KLF17: variants seen among roughly 807,000 people sequenced by gnomAD.
The protein encoded by KLF17 is KLF transcription factor 17.
KLF17 carries 31 observed loss-of-function variants against 34.2 expected under a neutral mutation model. The observed-to-expected ratio is 0.91, with a 90% CI of 0.68 to 1.22. The LOEUF (loss-of-function observed/expected upper bound fraction) is 1.22, where lower values mean the gene tolerates loss of function less well. Among genes scored for constraint, KLF17 ranks in the 50% most tolerant of loss-of-function variants. KLF17 has a pLI of 0.00. For missense variants in KLF17, 478 were observed against 505.2 expected (o/e 0.95, Z 0.52); for synonymous variants, 179 against 186.7 (o/e 0.96, Z 0.34).
intron 1 of KLF17, among the ~76,000 whole-genome samples, chr1:44,119,609 T>C (rs1240352419): frequency 6.6e-6 from 1 of 152,150 alleles, no homozygotes; most frequent in Non-Finnish European, 1.5e-5. Flanking sequence ...CCAGAGGTGT[T>C]TGACCCGATT....
chr1:44,099,848 A>C, the KLF17 span, among the ~76,000 whole-genome samples: 6 of 52,370 alleles, frequency 1.1e-4, no homozygotes, highest in African/African-American at 4.7e-4. Context: ...AAAGAAAGAA[A>C]GAAAGAAAGA....
upstream of KLF17, chr1:44,118,800 T>G (rs2087910028): frequency 3.7e-6 from 3 of 820,282 alleles, no homozygotes; most frequent in Non-Finnish European, 3.7e-6. Context: ...TGTAAATAGG[T>G]AAATAGAAGG....
At chr1:44,058,434 G>A in the KLF17 span, among the ~76,000 whole-genome samples, 1 of 152,044 alleles carries the variant, frequency 6.6e-6, no homozygotes, top group East Asian at 1.9e-4. Flanking sequence ...GGGACTACAG[G>A]CAGGCATCAC....
the KLF17 span, among the ~76,000 whole-genome samples, chr1:44,069,469 CGAGAGAGAGAGAGAGAGAGAGA>C: frequency 2.4e-5 from 3 of 127,084 alleles, no homozygotes; most frequent in South Asian, 2.9e-4. This position sits in a 1 kb window ranked among gnomAD's most constrained non-coding sequence, Gnocchi z 4.7. Flanking sequence ...TGTTACATGG[CGAGAGAGAGAGAGAGAGAGAGA>C]GAGAGAGAGA....
the KLF17 span, among the ~76,000 whole-genome samples, chr1:44,070,309 G>T: frequency 6.6e-6 from 1 of 152,010 alleles, no homozygotes; most frequent in Non-Finnish European, 1.5e-5. Flanking sequence ...AACATACATT[G>T]AACCCATTAA....
the KLF17 span, among the ~76,000 whole-genome samples, chr1:44,075,504 A>G: frequency 6.6e-6 from 1 of 152,240 alleles, no homozygotes; most frequent in African/African-American, 2.4e-5. Context: ...GACCAGGGTC[A>G]AATACAAATA....
Position 44,118,960 on chromosome 1 carries a change from G to C in KLF17, c.53G>C (p.Arg18Pro). 1 of 1,610,884 alleles carries C rather than the reference G, an allele frequency of 6.2e-7. No homozygotes were observed. The highest frequency in any genetic ancestry group is 8.5e-7 in the Non-Finnish European group (1 of 1,178,830). Residue 18 changes from arginine (R) to proline (P), a missense_variant, in exon 1 of 4, where the codon CGG becomes CCG. By Grantham distance (103) the Arg-to-Pro change is moderately radical. Transcript: ENST00000372299. ...EMEQEAGELS[R>P]WQAAHQAAQD... ...GAACAGGAGGCTGGGGAGCTGAGCC[G>C]GTGGCAGGCGGCGCACCAGGCTGCC...
At position 44,130,702 on chromosome 1, in the gene KLF17, A is replaced by G. The variant is rs767644529; in HGVS notation, c.1116A>G (p.Pro372=). ...QKTHRPGPSD[P]QANNNNGEQD... is the part of the protein sequence containing the mutation. ...CTCATCGGCCGGGACCCTCAGACCC[A>G]CAGGCCAACAACAACAATGGAGAGC... Residue 372 remains proline, a synonymous_variant, in exon 3 of 4, where the codon CCA becomes CCG. Transcript: ENST00000372299. 1 of 1,608,036 alleles carries G rather than the reference A, an allele frequency of 6.2e-7. No individual in the cohort carries two copies.
chr1:44,049,345 A>G, the KLF17 span, among the ~76,000 whole-genome samples: 1 of 152,036 alleles, frequency 6.6e-6, no homozygotes, highest in Non-Finnish European at 1.5e-5. Flanking sequence ...CATAATAATA[A>G]CCATCCAGTA....
At chr1:44,121,307 A>G (rs951967848) in intron 1 of KLF17, among the ~76,000 whole-genome samples, 2 of 151,664 alleles carry the variant, frequency 1.3e-5, no homozygotes, top group African/African-American at 4.8e-5. Flanking sequence ...TAGTAGCGGG[A>G]TTTTGCTATG....
At chr1:44,085,807 C>CAAAAAAAAAA in the KLF17 span, among the ~76,000 whole-genome samples, 1 of 63,618 alleles carries the variant, frequency 1.6e-5, no homozygotes, top group Non-Finnish European at 2.7e-5. Context: ...TCTGTCTCAA[C>CAAAAAAAAAA]AAAAAAAAAA....
Position 44,130,161 on chromosome 1 carries a change from G to A in KLF17, c.890G>A (p.Arg297His), listed in dbSNP as rs1179640821. ...AACTGCGGAAAAGCTTATACCAAAC[G>A]CTCCCACCTCGTGAGCCACCAGCGC... ...YENCGKAYTK[R>H]SHLVSHQRKH... The change falls in exon 2 of 4, where the codon CGC (arginine) becomes CAC (histidine). Residue 297 changes from arginine to histidine, a missense_variant. Physicochemically the swap from Arg to His is conservative, Grantham distance 29. Coordinates refer to ENST00000372299, the MANE Select transcript of KLF17 (RefSeq NM_173484.4). 7 of 1,613,542 alleles carry A rather than the reference G, an allele frequency of 4.3e-6. 1 individual carries two copies. The South Asian group carries it at 4.4e-5, about 10-fold the overall frequency.
At chr1:44,102,611 C>A in the KLF17 span, among the ~76,000 whole-genome samples, 26 of 96,660 alleles carry the variant, frequency 2.7e-4, no homozygotes, top group South Asian at 7.9e-4. Flanking sequence ...CACACACACA[C>A]ACAGAAAAGA....
chr1:44,046,145 A>C, the KLF17 span: 1 of 148,444 alleles, frequency 6.7e-6, no homozygotes, highest in African/African-American at 2.5e-5. Flanking sequence ...AATAATAATA[A>C]TAATAATAAT....
the KLF17 span, among the ~76,000 whole-genome samples, chr1:44,080,517 C>T: frequency 6.0e-4 from 91 of 152,206 alleles, 1 homozygote; most frequent in Non-Finnish European, 5.0e-4. Context: ...GGATTACAGG[C>T]GTGAGCCACA....
chr1:44,123,423 A>G (rs1385339807), intron 1 of KLF17, among the ~76,000 whole-genome samples: 1 of 152,148 alleles, frequency 6.6e-6, no homozygotes, highest in Non-Finnish European at 1.5e-5. Context: ...TTTTCATAAT[A>G]TTGTATTATA....
At chr1:44,046,374 C>T in the KLF17 span, among the ~76,000 whole-genome samples, 154 of 151,986 alleles carry the variant, frequency 1.0e-3, no homozygotes, top group African/African-American at 3.2e-3. Flanking sequence ...CATGCCACTA[C>T]GCCTGGCTAA....
At chr1:44,063,079 A>G in the KLF17 span, among the ~76,000 whole-genome samples, 3 of 152,234 alleles carry the variant, frequency 2.0e-5, no homozygotes, top group Admixed American at 2.0e-4. Flanking sequence ...TACTGATAAT[A>G]AAACAACATG....
At chr1:44,045,496 A>T in the KLF17 span, among the ~76,000 whole-genome samples, 1 of 151,488 alleles carries the variant, frequency 6.6e-6, no homozygotes, top group Non-Finnish European at 1.5e-5. Context: ...TCAATTCCAG[A>T]CTCTCTTCTC....
Sources: allele counts gnomAD v4.1 joint callset (sites outside exome capture counted in the v4.1 genomes callset), GRCh38; gene constraint gnomAD v4.1.1; non-coding constraint Gnocchi (gnomAD v3.1); transcripts MANE v1.5; gene names NCBI Gene and HGNC (gene_info 2026-07-23, HGNC 2026-07-21).